ALK: variants seen among roughly 807,000 people sequenced by gnomAD.
The protein encoded by ALK is ALK tyrosine kinase receptor.
ALK carries 74 observed loss-of-function variants against 163.1 expected under a neutral mutation model. The ratio of observed to expected loss-of-function variants is 0.45; its 90% CI spans 0.38 to 0.55. The LOEUF is 0.55. ALK is among the 20% of genes least tolerant of loss of function. The pLI is 0.00. For synonymous variants in ALK, 960 were observed against 843.2 expected (o/e 1.14, Z -2.40); for missense variants, 2,063 against 2,105.3 (o/e 0.98, Z 0.39).
chr2:29,612,563 T>C (rs7599913), intron 3 of ALK, among the ~76,000 whole-genome samples: 120,605 of 152,120 alleles, frequency 0.79, 48,129 homozygotes, highest in African/African-American at 0.88. Context: ...AGTTCTCCCT[T>C]GAGGTCATTC....
intron 5 of ALK, among the ~76,000 whole-genome samples, chr2:29,340,876 C>G (rs1412474917): frequency 6.6e-6 from 1 of 152,240 alleles, no homozygotes; most frequent in South Asian, 2.1e-4. Flanking sequence ...ACAGATACAT[C>G]GTCTCTCCTT....
At chr2:29,846,033 T>C (rs1267621978) in intron 1 of ALK, among the ~76,000 whole-genome samples, 3 of 152,228 alleles carry the variant, frequency 2.0e-5, no homozygotes, top group Admixed American at 6.5e-5. Context: ...GTGTGGCCCA[T>C]ACATCTGGCC....
At chr2:29,584,830 A>G (rs1674833931) in intron 3 of ALK, among the ~76,000 whole-genome samples, 1 of 152,230 alleles carries the variant, frequency 6.6e-6, no homozygotes, top group Non-Finnish European at 1.5e-5. Flanking sequence ...GATGCTGTTG[A>G]GTATTGGTGT....
At chr2:29,629,917 A>T (rs1259275826) in intron 3 of ALK, among the ~76,000 whole-genome samples, 2 of 152,312 alleles carry the variant, frequency 1.3e-5, no homozygotes, top group South Asian at 4.1e-4. Context: ...ACATTCCTAG[A>T]TCTATAAAAT....
chr2:29,573,628 T>G (rs56340519), intron 3 of ALK, among the ~76,000 whole-genome samples: 18,812 of 152,266 alleles, frequency 0.12, 1,543 homozygotes, highest in Non-Finnish European at 0.19. Context: ...GTATCATTCA[T>G]GTATTATTCG....
intron 1 of ALK, among the ~76,000 whole-genome samples, chr2:29,752,627 C>A (rs990281714): frequency 2.0e-5 from 3 of 152,078 alleles, no homozygotes; most frequent in Non-Finnish European, 4.4e-5. Context: ...GGATTACAGG[C>A]GTGAGCCACC....
chr2:29,372,505 G>C (rs564208145), intron 5 of ALK, among the ~76,000 whole-genome samples: 1 of 152,356 alleles, frequency 6.6e-6, no homozygotes, highest in South Asian at 2.1e-4. Context: ...TTTGGACACA[G>C]GGAATGGTAG....
chr2:29,642,102 T>A (rs1421243487), intron 3 of ALK, among the ~76,000 whole-genome samples: 1 of 152,204 alleles, frequency 6.6e-6, no homozygotes, highest in African/African-American at 2.4e-5. Flanking sequence ...TGCAGTGTGG[T>A]CCACCTGGGA....
chr2:29,836,051 T>C (rs1558511310), intron 1 of ALK, among the ~76,000 whole-genome samples: 2 of 152,020 alleles, frequency 1.3e-5, no homozygotes. Flanking sequence ...GCATGACAAA[T>C]GAGGGGGTTT....
At chr2:29,836,374 G>A (rs1665559222) in intron 1 of ALK, among the ~76,000 whole-genome samples, 1 of 152,098 alleles carries the variant, frequency 6.6e-6, no homozygotes, top group Admixed American at 6.6e-5. Flanking sequence ...GGGGCTCTCT[G>A]CTAACATTAG....
intron 3 of ALK, among the ~76,000 whole-genome samples, chr2:29,575,167 T>C (rs1407897894): frequency 1.3e-5 from 2 of 152,146 alleles, no homozygotes; most frequent in South Asian, 2.1e-4. Flanking sequence ...ACCAAATTGA[T>C]TGTGGTTGGT....
chr2:29,700,107 C>T (rs1678688273), intron 2 of ALK, among the ~76,000 whole-genome samples: 1 of 152,318 alleles, frequency 6.6e-6, no homozygotes, highest in African/African-American at 2.4e-5. Flanking sequence ...ATCAAACCTA[C>T]AGACCACTCA....
chr2:29,344,643 A>G (rs1041735869), intron 5 of ALK, among the ~76,000 whole-genome samples: 1 of 152,268 alleles, frequency 6.6e-6, no homozygotes, highest in Non-Finnish European at 1.5e-5. Context: ...GCCATGTGGC[A>G]TGAAAAAGTT....
In ALK at chr2:29,920,850, A is replaced by C. The variant is rs2148444429; in HGVS notation, c.-191T>G. 1.6e-6 allele frequency: 1 copy of C among 607,090 alleles called. No homozygotes were observed. The highest frequency in any genetic ancestry group is 2.0e-5 in the South Asian group (1 of 49,802). 37.6% of individuals were successfully genotyped at this position (607,090 alleles called of 1,614,324 possible). A position where few individuals can be genotyped will look rare whatever the true frequency, so the allele number is the denominator to read the frequency against. The stretch of plus-strand genomic sequence containing the variant: ...ACGGAGGCGAGCAGGAGTCTAAATG[A>C]AACAGACCTGGAAGCTCAGGGGCGA... On this transcript the variant is annotated 5_prime_UTR_variant, in exon 1 of 29. Transcript: ENST00000389048.
intron 4 of ALK, among the ~76,000 whole-genome samples, chr2:29,490,616 G>A (rs1039873063): frequency 1.3e-5 from 2 of 152,144 alleles, no homozygotes; most frequent in Non-Finnish European, 2.9e-5. Context: ...CACTGTGTTC[G>A]ACAACATCTA....
intron 1 of ALK, among the ~76,000 whole-genome samples, chr2:29,800,062 G>C (rs554023124): frequency 6.6e-6 from 1 of 152,328 alleles, no homozygotes; most frequent in African/African-American, 2.4e-5. Context: ...AGTGTGGTGC[G>C]TGCCGTGCTC....
chr2:29,570,186 T>C (rs1674318947), intron 3 of ALK, among the ~76,000 whole-genome samples: 1 of 152,212 alleles, frequency 6.6e-6, no homozygotes, highest in Non-Finnish European at 1.5e-5. Flanking sequence ...TTAAACTCCT[T>C]ATATCAAGGA....
chr2:29,480,329 G>A (rs1470505053), intron 4 of ALK, among the ~76,000 whole-genome samples: 1 of 152,136 alleles, frequency 6.6e-6, no homozygotes. Flanking sequence ...ATTAATATCT[G>A]CTAATTCTAA....
intron 8 of ALK, among the ~76,000 whole-genome samples, chr2:29,311,231 C>T (rs909231144): frequency 1.2e-4 from 18 of 152,202 alleles, no homozygotes; most frequent in Non-Finnish European, 2.5e-4. Flanking sequence ...CCAACCAAGG[C>T]AGAGCAGGTG....
Sources: gnomAD v4.1 joint callset for allele counts (sites outside exome capture counted in the v4.1 genomes callset) on GRCh38, gnomAD v4.1.1 for gene constraint, MANE v1.5 for transcripts, NCBI Gene and HGNC (gene_info 2026-07-23, HGNC 2026-07-21) for gene names.